Variants in SOX5 observed in about 807,000 individuals in gnomAD.
The protein encoded by SOX5 is SRY-box transcription factor 5.
In SOX5, 9 loss-of-function variants were observed where a neutral mutation model predicts 92.0. That is an observed-to-expected ratio of 0.10 (90% confidence interval 0.06 to 0.17). The LOEUF (loss-of-function observed/expected upper bound fraction) is 0.17. Ranked by LOEUF, SOX5 falls within the 10% of genes least tolerant of loss-of-function variation. The pLI is 1.00. For synonymous variants in SOX5, 344 were observed against 336.3 expected, an observed-to-expected ratio of 1.02 and a Z score of -0.25; for missense variants, 642 against 944.5, an observed-to-expected ratio of 0.68 and a Z score of 4.20.
intron 6 of SOX5, among the ~76,000 whole-genome samples, chr12:23,725,110 G>T (rs1185939810): frequency 6.6e-6 from 1 of 152,138 alleles, no homozygotes; most frequent in African/African-American, 2.4e-5. Flanking sequence ...CAGGCAAATG[G>T]TATCATATTC....
At chr12:23,895,138 T>C (rs1301290172) in intron 2 of SOX5, among the ~76,000 whole-genome samples, 1 of 145,208 alleles carries the variant, frequency 6.9e-6, no homozygotes, top group Non-Finnish European at 1.5e-5. Flanking sequence ...CCTAATCTTC[T>C]ACAGTGATCC....
chr12:23,918,238 G>C (rs1483480258), intron 1 of SOX5, among the ~76,000 whole-genome samples: 6 of 152,102 alleles, frequency 3.9e-5, no homozygotes, highest in Non-Finnish European at 8.8e-5. Context: ...CATTTCATAA[G>C]TAATTTTTAC....
chr12:23,970,768 T>C (rs1948131617), intron 4 of SOX5, among the ~76,000 whole-genome samples: 1 of 138,210 alleles, frequency 7.2e-6, no homozygotes, highest in African/African-American at 2.7e-5. Flanking sequence ...CTGGTGTCCC[T>C]GTTTGCAATT....
At chr12:24,413,058 G>T (rs1417575730) in intron 1 of SOX5, among the ~76,000 whole-genome samples, 11 of 152,144 alleles carry the variant, frequency 7.2e-5, no homozygotes, top group African/African-American at 1.9e-4. Context: ...CCCGGCCTCA[G>T]TTAGATTTTC....
At chr12:24,456,822 T>C (rs552392468) in intron 1 of SOX5, among the ~76,000 whole-genome samples, 1 of 152,346 alleles carries the variant, frequency 6.6e-6, no homozygotes, top group East Asian at 1.9e-4. Context: ...TGAACCTGAC[T>C]CGTTATAAAT....
At chr12:23,818,029 G>T (rs1453975850) in intron 3 of SOX5, among the ~76,000 whole-genome samples, 1 of 152,204 alleles carries the variant, frequency 6.6e-6, no homozygotes, top group South Asian at 2.1e-4. Context: ...CATTTAGAGA[G>T]ATTTTATACA....
intron 4 of SOX5, among the ~76,000 whole-genome samples, chr12:23,748,625 G>A (rs540151369): frequency 1.2e-4 from 18 of 151,998 alleles, no homozygotes; most frequent in African/African-American, 3.9e-4. Flanking sequence ...AACTAATTAC[G>A]TTTCTTCCCT....
intron 10 of SOX5, among the ~76,000 whole-genome samples, chr12:23,571,446 A>G (rs1371236190): frequency 6.6e-6 from 1 of 152,182 alleles, no homozygotes; most frequent in East Asian, 1.9e-4. Context: ...GTAGGCACCT[A>G]AAGTCTCAGT....
At chr12:24,184,981 G>A (rs1032997791) in intron 4 of SOX5, among the ~76,000 whole-genome samples, 1 of 152,000 alleles carries the variant, frequency 6.6e-6, no homozygotes, top group Non-Finnish European at 1.5e-5. Flanking sequence ...AGTATTTATT[G>A]TTTTGCTACA....
At chr12:24,098,307 C>T (rs766003817) in intron 4 of SOX5, among the ~76,000 whole-genome samples, 1 of 152,104 alleles carries the variant, frequency 6.6e-6, no homozygotes, top group African/African-American at 2.4e-5. Context: ...ATTTCCTGCT[C>T]TTGGGGTTTC....
intron 3 of SOX5, among the ~76,000 whole-genome samples, chr12:23,802,846 T>G (rs2095688426): frequency 6.6e-6 from 1 of 152,150 alleles, no homozygotes; most frequent in Admixed American, 6.5e-5. Flanking sequence ...CCTTTATGTG[T>G]CCGTAGTCTT....
intron 1 of SOX5, among the ~76,000 whole-genome samples, chr12:24,509,808 C>A (rs564537373): frequency 2.6e-5 from 4 of 152,288 alleles, no homozygotes; most frequent in African/African-American, 9.6e-5. Flanking sequence ...TCCAGCGAAT[C>A]GGTTGCTTAC....
intron 6 of SOX5, among the ~76,000 whole-genome samples, chr12:23,725,019 A>G (rs1311201224): frequency 6.6e-6 from 1 of 152,232 alleles, no homozygotes; most frequent in East Asian, 1.9e-4. Context: ...TGTTGGACAG[A>G]AAACCAATGT....
At chr12:23,654,773 A>G (rs7954286) in intron 7 of SOX5, among the ~76,000 whole-genome samples, 68,693 of 151,888 alleles carry the variant, frequency 0.45, 15,824 homozygotes, top group Middle Eastern at 0.53. Context: ...AACTTTTTAT[A>G]AGAAATGCTA....
intron 9 of SOX5, among the ~76,000 whole-genome samples, chr12:23,598,058 A>C (rs2137311039): frequency 6.6e-6 from 1 of 152,312 alleles, no homozygotes; most frequent in Non-Finnish European, 1.5e-5. Flanking sequence ...ATACTATTTC[A>C]GCACTGTGAA....
intron 3 of SOX5, among the ~76,000 whole-genome samples, chr12:23,783,674 C>T (rs1183178257): frequency 1.3e-5 from 2 of 152,106 alleles, no homozygotes; most frequent in Non-Finnish European, 2.9e-5. Flanking sequence ...AACCATATAG[C>T]ACAAGATCTT....
At chr12:23,819,709 G>T (rs1343181669) in intron 3 of SOX5, among the ~76,000 whole-genome samples, 1 of 152,118 alleles carries the variant, frequency 6.6e-6, no homozygotes, top group East Asian at 1.9e-4. Flanking sequence ...TTAGTTTGCT[G>T]AGAATGATGG....
At chr12:24,093,980 CTTG>C (rs1945000676) in intron 4 of SOX5, among the ~76,000 whole-genome samples, 1 of 152,076 alleles carries the variant, frequency 6.6e-6, no homozygotes, top group Admixed American at 6.5e-5. Context: ...AAGTTTTGCT[CTTG>C]TTGCCCAGGC....
At chr12:23,733,860 G>T (rs1241043890) in intron 6 of SOX5, among the ~76,000 whole-genome samples, 4 of 152,212 alleles carry the variant, frequency 2.6e-5, no homozygotes, top group Non-Finnish European at 5.9e-5. Context: ...TGTCACATGG[G>T]GTTGGATTCA....
Sources: gnomAD v4.1 joint callset for allele counts (sites outside exome capture counted in the v4.1 genomes callset) on GRCh38, gnomAD v4.1.1 for gene constraint, MANE v1.5 for transcripts, NCBI Gene and HGNC (gene_info 2026-07-23, HGNC 2026-07-21) for gene names.